IL17RD: variants seen among roughly 807,000 people sequenced by gnomAD.
IL17RD encodes interleukin-17 receptor D.
A neutral mutation model predicts 80.5 loss-of-function variants in IL17RD; 52 were observed. That is an observed-to-expected ratio of 0.65 (90% CI 0.52 to 0.81). The LOEUF (loss-of-function observed/expected upper bound fraction) is 0.81, where lower values mean the gene tolerates loss of function less well. Among genes scored for constraint, IL17RD ranks in the 40% least tolerant of loss-of-function variants. IL17RD has a pLI of 0.00. For synonymous variants in IL17RD, 416 were observed against 391.8 expected (o/e 1.06, Z -0.73); for missense variants, 1,024 against 955.1 (o/e 1.07, Z -0.95).
At position 57,093,688 on chromosome 3, in the gene IL17RD, T is replaced by C. The variant is rs750783843; in HGVS notation, c.*2705A>G. The C allele has an allele frequency of 6.6e-6, 1 of 152,216 alleles. No individual in the cohort carries two copies. Among genetic ancestry groups the C allele is most frequent in the African/African-American group, 2.4e-5 (1 of 41,436 alleles). The allele number at this position is 152,216 out of a possible 1,614,324, so 9.4% of individuals were successfully genotyped here. ...CCCAAGACAGCCCTCTGGAGGAGCTTTGGCACCTTGTATGGCTGGGCTGAG... is the reference window on the plus strand; with the variant it reads ...CCCAAGACAGCCCTCTGGAGGAGCTCTGGCACCTTGTATGGCTGGGCTGAG... On this transcript the variant is annotated 3_prime_UTR_variant, in exon 13 of 13. Transcript: ENST00000296318.
chr3:57,105,204 G>C (rs1472216005), intron 7 of IL17RD, among the ~76,000 whole-genome samples: 1 of 151,986 alleles, frequency 6.6e-6, no homozygotes, highest in East Asian at 1.9e-4. Context: ...ATAAAGCTCA[G>C]GGCCTGCCAC....
intron 1 of IL17RD, among the ~76,000 whole-genome samples, chr3:57,163,802 A>AGGGGGGGG (rs1559489790): frequency 1.4e-4 from 1 of 7,378 alleles, no homozygotes; most frequent in African/African-American, 6.4e-4. Flanking sequence ...GCGGGGGGGG[A>AGGGGGGGG]AGGGGGTGGC....
chr3:57,101,224 G>T lies in IL17RD; in HGVS notation c.1119C>A (p.Val373=). ...SSKDGQNHMN[V]VQCFAYFLQD... is the part of the protein sequence containing the mutation. The stretch of plus-strand genomic sequence containing the variant: ...GGAGGAAGTAGGCGAAACACTGGAC[G>T]ACATTCATGTGATTCTGGCCATCTT... The change falls in exon 11 of 13, where the codon GTC becomes GTA. Residue 373 remains valine, a synonymous_variant. Transcript: ENST00000296318. 6.2e-7 allele frequency: 1 copy of T among 1,613,708 alleles called. No homozygotes were observed. The highest frequency in any genetic ancestry group is 8.5e-7 in the Non-Finnish European group (1 of 1,179,700).
At chr3:57,120,156 C>T (rs112603146) in intron 2 of IL17RD, 100 bp downstream of exon 2, 26 of 935,018 alleles carry the variant, frequency 2.8e-5, no homozygotes, top group Middle Eastern at 2.1e-4. Flanking sequence ...TCAGAAAATT[C>T]GTCAACCCCA....
At chr3:57,103,169 T>C (rs773936342) in intron 8 of IL17RD, 24 bp from the exon 9 acceptor site, 1 of 1,580,192 alleles carries the variant, frequency 6.3e-7, no homozygotes, top group Non-Finnish European at 8.6e-7. Context: ...GATGCTGCAT[T>C]ATTTTTTTTT....
At chr3:57,125,012 G>C (rs1039052512) in intron 1 of IL17RD, among the ~76,000 whole-genome samples, 11 of 152,192 alleles carry the variant, frequency 7.2e-5, no homozygotes, top group African/African-American at 2.7e-4. Flanking sequence ...TAGAAAAGTG[G>C]TTAAGACAGT....
chr3:57,096,248 G>A lies in IL17RD; in HGVS notation c.*145C>T. 1 of 653,450 alleles carries A rather than the reference G, an allele frequency of 1.5e-6. No individual in the cohort carries two copies. Among genetic ancestry groups the A allele is most frequent in the Non-Finnish European group, 2.8e-6 (1 of 355,068 alleles). 40.5% of individuals were successfully genotyped at this position (653,450 alleles called of 1,614,324 possible). ...ATATCCGGTAAAGGGTTGGGGCAAG[G>A]GAGAACAAGTACTGGCCAGCATTTC... is the stretch of plus-strand genomic sequence containing the variant. On this transcript the variant is annotated 3_prime_UTR_variant, in exon 13 of 13. Coordinates refer to ENST00000296318, the MANE Select transcript of IL17RD (RefSeq NM_017563.5).
Position 57,165,146 on chromosome 3 carries a change from C to T in IL17RD, c.126+15G>A. ...CGAGTTGGCGACGGCAAGAAACCCG[C>T]CGCCCTCGCCTTACCCTCCAGCCAC... On this transcript the variant is annotated intron_variant, in intron 1 of 12. Coordinates refer to ENST00000296318, the MANE Select transcript of IL17RD (RefSeq NM_017563.5). 1 of 1,514,528 alleles carries T rather than the reference C, an allele frequency of 6.6e-7. No individual in the cohort carries two copies. The highest frequency in any genetic ancestry group is 8.8e-7 in the Non-Finnish European group (1 of 1,134,280). The allele number at this position is 1,514,528 out of a possible 1,614,324, so 93.8% of individuals were successfully genotyped here. A position where few individuals can be genotyped will look rare whatever the true frequency, so the allele number is the denominator to read the frequency against.
chr3:57,106,327 T>C (rs1706965293), intron 5 of IL17RD, among the ~76,000 whole-genome samples, 173 bp from the exon 6 acceptor site: 1 of 152,196 alleles, frequency 6.6e-6, no homozygotes, highest in African/African-American at 2.4e-5. Flanking sequence ...TATGAAAATT[T>C]AAATGGTATA....
chr3:57,167,247 C>T (rs1354146913), upstream of IL17RD, among the ~76,000 whole-genome samples: 2 of 151,974 alleles, frequency 1.3e-5, no homozygotes, highest in East Asian at 1.9e-4. Context: ...TTCAGCCAGA[C>T]CCAGTGAGGT....
intron 4 of IL17RD, 87 bp downstream of exon 4, chr3:57,110,106 C>T (rs1007450591): frequency 1.3e-6 from 2 of 1,481,994 alleles, no homozygotes; most frequent in Non-Finnish European, 1.8e-6. Flanking sequence ...ATAGCCCCTC[C>T]TTCTCCAATT....
At chr3:57,127,349 A>T (rs1290492012) in intron 1 of IL17RD, among the ~76,000 whole-genome samples, 3 of 101,578 alleles carry the variant, frequency 3.0e-5, no homozygotes, top group Non-Finnish European at 5.0e-5. Context: ...AATATATATA[A>T]ATATATATAA....
At chr3:57,124,558 G>C (rs73089799) in intron 1 of IL17RD, among the ~76,000 whole-genome samples, 3 of 152,060 alleles carry the variant, frequency 2.0e-5, no homozygotes, top group Non-Finnish European at 4.4e-5. Flanking sequence ...GAAAGCAGGC[G>C]GCCTCTGGAG....
chr3:57,166,565 A>C (rs1553630380), upstream of IL17RD, among the ~76,000 whole-genome samples: 2 of 152,214 alleles, frequency 1.3e-5, no homozygotes, highest in Non-Finnish European at 2.9e-5. Context: ...ACAAAAAAAA[A>C]CAGTAAAATT....
In IL17RD at chr3:57,106,092, A is replaced by G; in HGVS notation, c.595+18T>C. The G allele has an allele frequency of 2.5e-6, 4 of 1,611,436 alleles. No homozygotes were observed. Among genetic ancestry groups the G allele is most frequent in the Non-Finnish European group, 3.4e-6 (4 of 1,177,678 alleles). On this transcript the variant is annotated intron_variant, in intron 6 of 12. Transcript: ENST00000296318. The stretch of plus-strand genomic sequence containing the variant: ...GGCGATACTTTGAGACTTGATAGAT[A>G]AGAACACTATTACTTACAGGGTTTA...
chr3:57,155,504 T>A (rs1001568245), intron 1 of IL17RD, among the ~76,000 whole-genome samples: 3 of 152,190 alleles, frequency 2.0e-5, no homozygotes, highest in African/African-American at 7.2e-5. Context: ...ATAACTGTGG[T>A]GTGAATGAAT....
At chr3:57,152,258 C>T (rs2107537768) in intron 1 of IL17RD, among the ~76,000 whole-genome samples, 1 of 152,322 alleles carries the variant, frequency 6.6e-6, no homozygotes, top group Middle Eastern at 3.4e-3. Flanking sequence ...GGAGCTCCGG[C>T]CCGCTGGGCA....
At chr3:57,103,212 TGGTA>T (rs1706877866) in intron 8 of IL17RD, 67 bp from the exon 9 acceptor site, 6 of 1,328,658 alleles carry the variant, frequency 4.5e-6, no homozygotes, top group African/African-American at 1.5e-5. Context: ...TGGAAAAAAA[TGGTA>T]ATTTCATTCA....
Position 57,134,213 on chromosome 3 carries a change from C to T in IL17RD, c.127-13900G>A, listed in dbSNP as rs1004805859. 4.4e-6 allele frequency: 3 copies of T among 687,582 alleles called. No individual in the cohort carries two copies. In the African/African-American group the frequency reaches 5.3e-5, roughly 12 times the overall value. 42.6% of individuals were successfully genotyped at this position (687,582 alleles called of 1,614,324 possible). A position where few individuals can be genotyped will look rare whatever the true frequency, so the allele number is the denominator to read the frequency against. On this transcript the variant is annotated intron_variant, in intron 1 of 12. Coordinates refer to ENST00000296318, the MANE Select transcript of IL17RD (RefSeq NM_017563.5). ...GCAAGAAGAAGGTCTGGTTGGACCC[C>T]AATAAGACCAATGAAATCGCCAATG...
Sources: gnomAD v4.1 joint callset for allele counts (sites outside exome capture counted in the v4.1 genomes callset) on GRCh38, gnomAD v4.1.1 for gene constraint, MANE v1.5 for transcripts, NCBI Gene and HGNC (gene_info 2026-07-23, HGNC 2026-07-21) for gene names.